Variants in ABCA1 observed in about 807,000 individuals in gnomAD.
The protein encoded by ABCA1 is ATP binding cassette subfamily A member 1.
ABCA1 carries 133 observed loss-of-function variants against 262.5 expected under a neutral mutation model. The observed-to-expected ratio is 0.51, with a 90% confidence interval of 0.44 to 0.59. The LOEUF (loss-of-function observed/expected upper bound fraction) is 0.59, where lower values mean the gene tolerates loss of function less well. Among genes scored for constraint, ABCA1 ranks in the 20% least tolerant of loss-of-function variants. ABCA1 has a pLI of 0.00. For missense variants in ABCA1, 2,452 were observed against 2,777.5 expected (o/e 0.88, Z 2.63); for synonymous variants, 1,022 against 1,043.5 (o/e 0.98, Z 0.40).
chr9:104,900,541 G>C (rs558302497), intron 2 of ABCA1, among the ~76,000 whole-genome samples: 1 of 152,174 alleles, frequency 6.6e-6, no homozygotes, highest in Admixed American at 6.5e-5. Flanking sequence ...AGGTTCTGAC[G>C]TCTAAACAAT....
At chr9:104,795,749 C>T (rs113375046) in intron 39 of ABCA1, among the ~76,000 whole-genome samples, 89 of 152,072 alleles carry the variant, frequency 5.9e-4, no homozygotes, top group African/African-American at 2.0e-3. Flanking sequence ...GACTGAATGG[C>T]GTCGCCCAGC....
At chr9:104,794,749 G>GTATGGAGAAATAATGAATAAAGCT (rs1454147329) in intron 39 of ABCA1, among the ~76,000 whole-genome samples, 23 of 152,288 alleles carry the variant, frequency 1.5e-4, no homozygotes, top group African/African-American at 5.1e-4. Context: ...AATGCTCTGA[G>GTATGGAGAAATAATGAATAAAGCT]TATGGAGAAA....
Position 104,792,858 on chromosome 9 carries a change from C to A in ABCA1, c.5685G>T (p.Val1895=), listed in dbSNP as rs758897106. The A allele has an allele frequency of 6.2e-7, 1 of 1,614,124 alleles. No homozygotes were observed. The highest frequency in any genetic ancestry group is 8.5e-7 in the Non-Finnish European group (1 of 1,179,996). ...CAAGAATTCTCTGTCTTTCCCGCCT[C>A]ACATCTTCATCTTCATCATTCAGAG... ...LSPLNDEDED[V]RRERQRILDG... Residue 1895 remains valine (V), a synonymous_variant, in exon 42 of 50, where the codon GTG becomes GTT. Transcript: ENST00000374736.
rs371581830 is a variant in ABCA1, at chr9:104,812,566, C to T, written c.4050+8G>A. The T allele has an allele frequency of 1.7e-5, 28 of 1,614,072 alleles. No individual in the cohort carries two copies. The highest frequency in any genetic ancestry group is 5.0e-5 in the Admixed American group (3 of 60,006). On this transcript the variant is annotated splice_region_variant and intron_variant, in intron 28 of 49. Coordinates refer to ENST00000374736, the MANE Select transcript of ABCA1 (RefSeq NM_005502.4). ...GCCAGAGTCTCTGGCGAAAACAGCA[C>T]GTCTCACCTGAGCAAAAAATCCTTT...
intron 8 of ABCA1, among the ~76,000 whole-genome samples, chr9:104,842,093 G>A (rs1396301262): frequency 3.3e-5 from 5 of 152,142 alleles, no homozygotes; most frequent in African/African-American, 7.2e-5. Context: ...TGTGAGTGGC[G>A]TGGTCCAGCA....
intron 49 of ABCA1, 102 bp from the exon 50 acceptor site, chr9:104,784,557 C>G (rs1278975268): frequency 2.2e-6 from 3 of 1,379,132 alleles, no homozygotes; most frequent in African/African-American, 2.9e-5. Flanking sequence ...CAAGTAGGAG[C>G]ATACAGAATT....
intron 5 of ABCA1, among the ~76,000 whole-genome samples, chr9:104,868,431 G>A (rs971331248): frequency 3.3e-5 from 5 of 152,194 alleles, no homozygotes; most frequent in African/African-American, 1.2e-4. Flanking sequence ...GAACGTGAAC[G>A]TGCTGTTTCA....
intron 44 of ABCA1, among the ~76,000 whole-genome samples, chr9:104,789,292 C>T (rs949704096): frequency 3.8e-4 from 58 of 152,300 alleles, no homozygotes; most frequent in African/African-American, 1.4e-3. Context: ...CTGTGACAAA[C>T]CTTACTATGG....
At chr9:104,786,165 C>T (rs946963436) in intron 48 of ABCA1, 133 bp downstream of exon 48, 4 of 780,704 alleles carry the variant, frequency 5.1e-6, no homozygotes, top group Non-Finnish European at 8.6e-6. Flanking sequence ...CTTCAAAGCC[C>T]TCATTCTTTC....
chr9:104,785,555 T>C lies in ABCA1; in HGVS notation c.6486A>G (p.Ala2162=), dbSNP rs1010577808. The C allele has an allele frequency of 5.6e-6, 9 of 1,607,214 alleles. No homozygotes were observed. Among genetic ancestry groups the C allele is most frequent in the South Asian group, 4.4e-5 (4 of 90,936 alleles). The change falls in exon 49 of 50, where the codon GCA becomes GCG. Residue 2162 remains alanine (A), a synonymous_variant. Transcript: ENST00000374736. ...LKPVQDFFGL[A]FPGSVLKEKH... The stretch of plus-strand genomic sequence containing the variant: ...TCTCTTTTAGAACACTTCCAGGAAA[T>C]GCAAGTCCAAAGAAATCCTGGACAG...
rs1167577504 is a variant in ABCA1, at chr9:104,834,374, T to C, written c.1312-1603A>G. 1.3e-5 allele frequency among the ~76,000 whole-genome samples: 2 copies of C among 149,428 alleles called. 1 individual carries two copies. Among genetic ancestry groups the C allele is most frequent in the African/African-American group, 4.9e-5 (2 of 40,828 alleles). On this transcript the variant is annotated intron_variant, in intron 11 of 49. Transcript: ENST00000374736. Reference sequence around the variant, plus strand: ...TTCCAAATTGCTTTCCAATAGAGAATAGCAATTTATACCATCACCAGGAAG... The same window carrying C: ...TTCCAAATTGCTTTCCAATAGAGAACAGCAATTTATACCATCACCAGGAAG...
chr9:104,839,000 A>G (rs1424323255), intron 9 of ABCA1, among the ~76,000 whole-genome samples: 1 of 152,102 alleles, frequency 6.6e-6, no homozygotes, highest in Non-Finnish European at 1.5e-5. Context: ...CAGAGAAGAA[A>G]AGGTTCTTGT....
Position 104,831,080 on chromosome 9 carries a change from T to A in ABCA1, c.1737A>T (p.Arg579=), listed in dbSNP as rs755091217. ...ACCGCATGTCCTCAAAGGGGTCAGC[T>A]CGAGGACCAGGGTCCCAGTACCTAA... ...IKDGYWDPGP[R]ADPFEDMRYV... The change falls in exon 14 of 50, where the codon CGA becomes CGT. Residue 579 remains arginine (R), a synonymous_variant. Transcript: ENST00000374736. 1.9e-6 allele frequency: 3 copies of A among 1,607,684 alleles called. No individual in the cohort carries two copies. The Admixed American group carries it at 5.1e-5, about 27-fold the overall frequency.
At chr9:104,890,348 G>T (rs914304531) in intron 2 of ABCA1, among the ~76,000 whole-genome samples, 1 of 152,190 alleles carries the variant, frequency 6.6e-6, no homozygotes, top group Admixed American at 6.5e-5. Flanking sequence ...GGGAGGCCAA[G>T]GCCGGTGGAT....
intron 30 of ABCA1, among the ~76,000 whole-genome samples, chr9:104,808,472 C>G (rs1830989360): frequency 1.3e-5 from 2 of 152,204 alleles, no homozygotes; most frequent in Non-Finnish European, 2.9e-5. Flanking sequence ...TGTCTGTGTC[C>G]TTCTCTATCC....
At chr9:104,918,619 G>C (rs528180656) in intron 1 of ABCA1, among the ~76,000 whole-genome samples, 1 of 152,270 alleles carries the variant, frequency 6.6e-6, no homozygotes, top group African/African-American at 2.4e-5. Context: ...AATATGTATT[G>C]TTGTTGTTAA....
At chr9:104,806,576 T>C (rs1830786724) in intron 30 of ABCA1, 146 bp from the exon 31 acceptor site, 1 of 789,610 alleles carries the variant, frequency 1.3e-6, no homozygotes, top group Non-Finnish European at 2.1e-6. Context: ...TCTCATTTGA[T>C]TGCTTGATCC....
chr9:104,796,468 T>A, intron 37 of ABCA1, 44 bp from the exon 38 acceptor site: 1 of 1,453,212 alleles, frequency 6.9e-7, no homozygotes, highest in Non-Finnish European at 9.6e-7. Flanking sequence ...CTAAATCAAA[T>A]ATACAATGCA....
In ABCA1 at chr9:104,819,009, AC is replaced by A. The variant is rs1832029084; in HGVS notation, c.3242-127del. The A allele has an allele frequency of 4.6e-6, 4 of 877,346 alleles. No individual in the cohort carries two copies. In the South Asian group the frequency reaches 5.7e-5, roughly 13 times the overall value. The allele number at this position is 877,346 out of a possible 1,614,324, so 54.3% of individuals were successfully genotyped here. A position where few individuals can be genotyped will look rare whatever the true frequency, so the allele number is the denominator to read the frequency against. On this transcript the variant is annotated intron_variant, in intron 22 of 49. Transcript: ENST00000374736. ...GGAAGAGACCTGGAAGCCACCTTTC[AC>A]CCTGTATGGCTATGACCCCTAGAAT... is the stretch of plus-strand genomic sequence containing the variant.
Sources: allele counts gnomAD v4.1 joint callset (sites outside exome capture counted in the v4.1 genomes callset), GRCh38; gene constraint gnomAD v4.1.1; transcripts MANE v1.5; gene names NCBI Gene and HGNC (gene_info 2026-07-23, HGNC 2026-07-21).